HIBCH: variants seen among roughly 807,000 people sequenced by gnomAD.
HIBCH encodes 3-hydroxyisobutyryl-CoA hydrolase, also known as 3-hydroxyisobutyryl-CoA hydrolase, mitochondrial.
Under a neutral mutation model 58.2 loss-of-function variants are expected in HIBCH, and 50 were observed. The ratio of observed to expected loss-of-function variants is 0.86; its 90% CI spans 0.68 to 1.09. HIBCH has a LOEUF of 1.09. Among genes scored for constraint, HIBCH ranks in the 50% least tolerant of loss-of-function variants. HIBCH has a pLI of 0.00. For missense variants in HIBCH, 450 were observed against 449.7 expected, an observed-to-expected ratio of 1.00 and a Z score of -0.01; for synonymous variants, 151 against 146.9, an observed-to-expected ratio of 1.03 and a Z score of -0.20.
Position 190,226,152 on chromosome 2 carries a change from T to C in HIBCH, c.892-13077A>G, listed in dbSNP as rs575568596. On this transcript the variant is annotated intron_variant, in intron 11 of 13. Coordinates refer to ENST00000359678, the MANE Select transcript of HIBCH (RefSeq NM_014362.4). ...TATGACAAACCCACAGCCATTATCA[T>C]ACTGAATGGGCAAAAACTGGAAGCA... 2.8e-4 allele frequency among the ~76,000 whole-genome samples: 42 copies of C among 152,336 alleles called. 1 individual carries two copies. In the South Asian group the frequency reaches 8.3e-3, roughly 30 times the overall value.
chr2:190,314,400 T>C lies in HIBCH; in HGVS notation c.36-3604A>G, dbSNP rs900637828. ...ATATGTGTATATATATGTATATATATACGTATATATGTGTATATATATATA... is the reference window on the plus strand; with the variant it reads ...ATATGTGTATATATATGTATATATACACGTATATATGTGTATATATATATA... On this transcript the variant is annotated intron_variant, in intron 1 of 13. Coordinates refer to ENST00000359678, the MANE Select transcript of HIBCH (RefSeq NM_014362.4). Among the ~76,000 whole-genome samples the C allele has an allele frequency of 8.2e-5, 12 of 146,604 alleles. No individual in the cohort carries two copies. The East Asian group carries it at 2.0e-3, about 24-fold the overall frequency.
At chr2:190,305,102 C>T (rs562535904) in intron 2 of HIBCH, among the ~76,000 whole-genome samples, 5 of 151,850 alleles carry the variant, frequency 3.3e-5, no homozygotes, top group South Asian at 2.1e-4. Flanking sequence ...AGGCAAAATG[C>T]GGTGGTTGAG....
chr2:190,303,356 A>G (rs1688318827), intron 2 of HIBCH, among the ~76,000 whole-genome samples: 1 of 152,058 alleles, frequency 6.6e-6, no homozygotes, highest in Non-Finnish European at 1.5e-5. Context: ...AGCTCCTTAG[A>G]GAAAAGGCTG....
intron 7 of HIBCH, among the ~76,000 whole-genome samples, chr2:190,259,551 G>A (rs1004373919): frequency 2.4e-4 from 36 of 151,944 alleles, no homozygotes; most frequent in African/African-American, 7.5e-4. Flanking sequence ...TAGGGATGTC[G>A]TTTCGCCATA....
intron 1 of HIBCH, among the ~76,000 whole-genome samples, chr2:190,192,273 G>C (rs1374348192): frequency 1.3e-5 from 2 of 152,024 alleles, no homozygotes; most frequent in African/African-American, 2.4e-5. Flanking sequence ...TTTTATGGGT[G>C]TATCTCTGGA....
chr2:190,248,571 C>T (rs951966428), intron 9 of HIBCH, among the ~76,000 whole-genome samples: 2 of 152,100 alleles, frequency 1.3e-5, no homozygotes, highest in Non-Finnish European at 2.9e-5. Context: ...TACAAGAAGA[C>T]TTGTGGAAGG....
downstream of HIBCH, chr2:190,199,709 C>T (rs548542248): frequency 1.2e-5 from 18 of 1,461,874 alleles, no homozygotes; most frequent in South Asian, 2.2e-4. Flanking sequence ...AAACACTACA[C>T]GTGAAGAGTG....
chr2:190,264,540 T>C (rs949331447), intron 6 of HIBCH, among the ~76,000 whole-genome samples: 6 of 152,232 alleles, frequency 3.9e-5, no homozygotes, highest in Non-Finnish European at 7.3e-5. Context: ...TAGATATAAA[T>C]AGAATCACAG....
At chr2:190,265,570 C>G (rs76675030) in intron 6 of HIBCH, among the ~76,000 whole-genome samples, 1 of 151,766 alleles carries the variant, frequency 6.6e-6, no homozygotes. Context: ...TGCCTTTTCA[C>G]TGTTTCAAGG....
rs1686869338 is a variant in HIBCH at position 190,254,501 on chromosome 2, C to T, written c.518-2194G>A. 6.6e-6 allele frequency among the ~76,000 whole-genome samples: 1 copy of T among 152,304 alleles called. No individual in the cohort carries two copies. The highest frequency in any genetic ancestry group is 2.1e-4 in the South Asian group (1 of 4,818). ...GTTATGCAGCCCTAAAAGTTTAATA[C>T]ACTGCGAAATCACTCATGCCTTCTC... is the stretch of plus-strand genomic sequence containing the variant. On this transcript the variant is annotated intron_variant, in intron 7 of 13. Coordinates refer to ENST00000359678, the MANE Select transcript of HIBCH (RefSeq NM_014362.4). This position sits in a 1 kb window ranked among gnomAD's most constrained non-coding sequence, Gnocchi z 5.0.
chr2:190,195,897 C>T (rs1230703273), intron 1 of HIBCH, among the ~76,000 whole-genome samples: 2 of 144,262 alleles, frequency 1.4e-5, no homozygotes, highest in African/African-American at 5.0e-5. Flanking sequence ...GGTCTATGAT[C>T]CATTTCAAAT....
chr2:190,233,547 T>G (rs1686174454), intron 11 of HIBCH, among the ~76,000 whole-genome samples: 3 of 152,206 alleles, frequency 2.0e-5, no homozygotes. Context: ...CCAGCCTCAA[T>G]GAAATATAAG....
intron 11 of HIBCH, among the ~76,000 whole-genome samples, chr2:190,224,470 G>C (rs949597725): frequency 6.6e-6 from 1 of 152,152 alleles, no homozygotes; most frequent in African/African-American, 2.4e-5. Flanking sequence ...ACAAAAAAAA[G>C]CAGGGGTTGC....
chr2:190,201,336 AG>A (rs1444235577), downstream of HIBCH: 1 of 166,936 alleles, frequency 6.0e-6, no homozygotes, highest in African/African-American at 2.4e-5. Flanking sequence ...AAAATTTGGG[AG>A]GGAGAAGAAG....
In HIBCH at chr2:190,272,262, A is replaced by G. The variant is rs1687420025; in HGVS notation, c.439-11028T>C. ...TTCACTGTTTTATCACCAGAGCCCAACCAGTATCTGGCACATCTAGACATC... is the reference window on the plus strand; with the variant it reads ...TTCACTGTTTTATCACCAGAGCCCAGCCAGTATCTGGCACATCTAGACATC... On this transcript the variant is annotated intron_variant, in intron 6 of 13. Coordinates refer to ENST00000359678, the MANE Select transcript of HIBCH (RefSeq NM_014362.4). Among the ~76,000 whole-genome samples, 3 of 152,180 alleles carry G rather than the reference A, an allele frequency of 2.0e-5. No homozygotes were observed. The South Asian group carries it at 6.2e-4, about 31-fold the overall frequency.
chr2:190,287,357 C>T (rs546191751), intron 6 of HIBCH, among the ~76,000 whole-genome samples: 4 of 152,208 alleles, frequency 2.6e-5, no homozygotes, highest in African/African-American at 4.8e-5. Context: ...GCACCATGCC[C>T]GGCCATATAA....
Position 190,204,436 on chromosome 2 carries a change from A to G in HIBCH, c.*681T>C, listed in dbSNP as rs1690337587. The G allele has an allele frequency of 6.6e-6, 1 of 152,114 alleles. No homozygotes were observed. The highest frequency in any genetic ancestry group is 6.6e-5 in the Admixed American group (1 of 15,256). The allele number at this position is 152,114 out of a possible 1,614,324, so 9.4% of individuals were successfully genotyped here. On this transcript the variant is annotated 3_prime_UTR_variant, in exon 14 of 14. Transcript: ENST00000359678. ...GATGGTATTCTGATTATTTTAGGGA[A>G]GACCAAGTCTGAGTTAATACTGAAG...
At chr2:190,233,065 T>C (rs566396424) in intron 11 of HIBCH, among the ~76,000 whole-genome samples, 4 of 152,304 alleles carry the variant, frequency 2.6e-5, no homozygotes, top group South Asian at 2.1e-4. Context: ...TTGGGGACCC[T>C]TGACACAGAG....
At chr2:190,302,121 T>C (rs1183105007) in intron 2 of HIBCH, among the ~76,000 whole-genome samples, 2 of 119,238 alleles carry the variant, frequency 1.7e-5, no homozygotes, top group African/African-American at 2.5e-5. Context: ...TTCATAAATT[T>C]GGAAAAGAGA....
Sources: gnomAD v4.1 joint callset for allele counts (sites outside exome capture counted in the v4.1 genomes callset) on GRCh38, gnomAD v4.1.1 for gene constraint, Gnocchi (gnomAD v3.1) non-coding constraint, MANE v1.5 for transcripts, NCBI Gene and HGNC (gene_info 2026-07-23, HGNC 2026-07-21) for gene names.